The following MAPT variants were observed in gnomAD, a reference collection of about 807,000 sequenced individuals.
MAPT encodes microtubule associated protein tau, also known as microtubule-associated protein tau.
Under a neutral mutation model 67.9 loss-of-function variants are expected in MAPT, and 34 were observed. The observed-to-expected ratio is 0.50, with a 90% CI of 0.38 to 0.67. MAPT has a LOEUF of 0.67. Ranked by LOEUF, MAPT falls within the 30% of genes least tolerant of loss-of-function variation. MAPT has a pLI of 0.00. For missense variants in MAPT, 881 were observed against 1,115.2 expected (o/e 0.79, Z 2.99); for synonymous variants, 456 against 464.5 (o/e 0.98, Z 0.23).
chr17:46,023,811 A>G, intron 12 of MAPT, 145 bp from the exon 13 acceptor site: 1 of 727,586 alleles, frequency 1.4e-6, no homozygotes. Flanking sequence ...ACCGCACTCT[A>G]GCCTGGGCGA....
chr17:45,925,702 C>T (rs570087424), intron 1 of MAPT, among the ~76,000 whole-genome samples: 1 of 152,108 alleles, frequency 6.6e-6, no homozygotes, highest in South Asian at 2.1e-4. Context: ...ACACTTCTGA[C>T]ATAAAAGAGC....
chr17:46,025,024 G>A lies in MAPT; in HGVS notation c.*853G>A, dbSNP rs1254644213. ...AGACTGACCTTGATGTCTTGAGAGC[G>A]CTGGCCTCTTCCTCCCTCCCTGCAG... On this transcript the variant is annotated 3_prime_UTR_variant, in exon 13 of 13. Transcript: ENST00000262410. 4 of 152,416 alleles carry A rather than the reference G, an allele frequency of 2.6e-5. No homozygotes were observed. The highest frequency in any genetic ancestry group is 4.4e-5 in the Non-Finnish European group (3 of 68,220). 9.4% of individuals were successfully genotyped at this position (152,416 alleles called of 1,614,324 possible). A position where few individuals can be genotyped will look rare whatever the true frequency, so the allele number is the denominator to read the frequency against.
intron 4 of MAPT, among the ~76,000 whole-genome samples, chr17:45,982,477 C>T (rs1458973490): frequency 2.0e-5 from 3 of 152,080 alleles, no homozygotes; most frequent in Non-Finnish European, 4.4e-5. Flanking sequence ...CTTCTGTAGC[C>T]CTCCCGCTTT....
rs546215985 is a variant in MAPT, at chr17:46,010,131, C to G, written c.1999-179C>G. ...TCCCTTCAGCTCCCCTGGGATGTGA[C>G]TCAACCTCCCGTCACTCCCCAGACT... On this transcript the variant is annotated intron_variant, in intron 9 of 12. Transcript: ENST00000262410. The surrounding 1 kb of genome is among the most constrained non-coding windows in gnomAD (Gnocchi z 4.7). 3.3e-5 allele frequency among the ~76,000 whole-genome samples: 5 copies of G among 152,296 alleles called. No individual in the cohort carries two copies. Among genetic ancestry groups the G allele is most frequent in the African/African-American group, 1.2e-4 (5 of 41,552 alleles).
chr17:45,909,869 C>CAA (rs59131080), intron 1 of MAPT, among the ~76,000 whole-genome samples: 111 of 59,766 alleles, frequency 1.9e-3, no homozygotes, highest in East Asian at 5.6e-3. Flanking sequence ...GACTCTGTCT[C>CAA]AAAAAAAAAA....
In MAPT at chr17:46,018,606, G is replaced by A; in HGVS notation, c.2174-12G>A. ...ATGATGGCAAGATGCTCTTGTGTGT[G>A]TTGTGTTCTAGGAGGTGGCCAGGTG... On this transcript the variant is annotated splice_polypyrimidine_tract_variant and intron_variant, in intron 11 of 12. Transcript: ENST00000262410. 2 of 1,567,996 alleles carry A rather than the reference G, an allele frequency of 1.3e-6. No individual in the cohort carries two copies. Among genetic ancestry groups the A allele is most frequent in the South Asian group, 1.1e-5 (1 of 90,124 alleles).
rs115142761 is a variant in MAPT at position 45,996,547 on chromosome 17, G to A, written c.1881G>A (p.Ser627=). The change falls in exon 9 of 13, where the codon TCG becomes TCA. Residue 627 remains serine, a synonymous_variant. Coordinates refer to ENST00000262410, the MANE Select transcript of MAPT (RefSeq NM_001377265.1). The surrounding 1 kb of genome is among the most constrained non-coding windows in gnomAD (Gnocchi z 4.5). ...CAGTGGTCCGTACTCCACCCAAGTCGCCGTCTTCCGCCAAGAGCCGCCTGC... is the reference window on the plus strand; with the variant it reads ...CAGTGGTCCGTACTCCACCCAAGTCACCGTCTTCCGCCAAGAGCCGCCTGC... The part of the protein sequence containing the change: ...KVAVVRTPPK[S]PSSAKSRLQT... The A allele has an allele frequency of 7.5e-5, 121 of 1,613,352 alleles. No individual in the cohort carries two copies. The highest frequency in any genetic ancestry group is 5.0e-4 in the Middle Eastern group (3 of 6,060).
intron 1 of MAPT, among the ~76,000 whole-genome samples, chr17:45,934,720 C>G (rs916097058): frequency 1.2e-4 from 18 of 152,236 alleles, no homozygotes; most frequent in African/African-American, 4.3e-4. Flanking sequence ...GCGGATAGAA[C>G]TCTGCTCTAA....
At chr17:45,932,513 C>G (rs1009586779) in intron 1 of MAPT, among the ~76,000 whole-genome samples, 1 of 146,916 alleles carries the variant, frequency 6.8e-6, no homozygotes, top group Non-Finnish European at 1.5e-5. Context: ...TCGCTTGCAC[C>G]TGAGAGGTGG....
At position 45,993,723 on chromosome 17, in the gene MAPT, C is replaced by G. The variant is rs17573175; in HGVS notation, c.1732+2137C>G. Among the ~76,000 whole-genome samples, 22,060 of 152,206 alleles carry G rather than the reference C, an allele frequency of 0.14. 2,144 individuals are homozygous for G. The highest frequency in any genetic ancestry group is 0.22 in the Non-Finnish European group (14,737 of 67,968). Reference sequence around the variant, plus strand: ...CACACTTTGTAACAACCTGAAACAACGTGATGCATTTCCCTTTGGGTCTTA... The same window carrying G: ...CACACTTTGTAACAACCTGAAACAAGGTGATGCATTTCCCTTTGGGTCTTA... On this transcript the variant is annotated intron_variant, in intron 8 of 12. Coordinates refer to ENST00000262410, the MANE Select transcript of MAPT (RefSeq NM_001377265.1).
intron 1 of MAPT, among the ~76,000 whole-genome samples, chr17:45,902,368 C>T (rs2063677390): frequency 6.6e-6 from 1 of 151,870 alleles, no homozygotes; most frequent in Non-Finnish European, 1.5e-5. Context: ...CCGCGCCCGG[C>T]CAGCTTGCAC....
intron 6 of MAPT, among the ~76,000 whole-genome samples, chr17:45,989,268 C>G (rs17651700): frequency 0.14 from 22,056 of 152,164 alleles, 2,147 homozygotes; most frequent in Non-Finnish European, 0.22. Context: ...TTAAACCAGT[C>G]GTCTCCAAAT....
chr17:45,904,197 A>C (rs1357707560), intron 1 of MAPT, among the ~76,000 whole-genome samples: 1 of 41,528 alleles, frequency 2.4e-5, no homozygotes, highest in African/African-American at 8.6e-5. Flanking sequence ...TGTATATATT[A>C]TATATCTAAT....
chr17:46,014,665 G>C (rs762841761), intron 11 of MAPT, among the ~76,000 whole-genome samples: 23 of 152,180 alleles, frequency 1.5e-4, no homozygotes, highest in Non-Finnish European at 2.6e-4. Context: ...ATGAGGTCAG[G>C]AGATTGAGAC....
chr17:45,979,812 A>G (rs1353352133), intron 4 of MAPT: 1 of 152,206 alleles, frequency 6.6e-6, no homozygotes, highest in African/African-American at 2.4e-5. Flanking sequence ...GGTGATGTCT[A>G]CATGCCCCCA....
At chr17:45,900,497 T>G (rs1373836986) in intron 1 of MAPT, among the ~76,000 whole-genome samples, 1 of 152,200 alleles carries the variant, frequency 6.6e-6, no homozygotes, top group Non-Finnish European at 1.5e-5. Flanking sequence ...TCCCTTAATT[T>G]TCTTTGCTTT....
Position 45,966,646 on chromosome 17 carries a change from C to G in MAPT, c.133+4176C>G, listed in dbSNP as rs558810128. 1.1e-3 allele frequency among the ~76,000 whole-genome samples: 162 copies of G among 152,226 alleles called. 1 individual carries two copies. The highest frequency in any genetic ancestry group is 1.6e-3 in the Non-Finnish European group (112 of 68,024). ...AAGTAGGTTTTACCACTCTTATTTTCTGAAGAGAAAACTAAATTTAATGTG... is the reference window on the plus strand; with the variant it reads ...AAGTAGGTTTTACCACTCTTATTTTGTGAAGAGAAAACTAAATTTAATGTG... On this transcript the variant is annotated intron_variant, in intron 2 of 12. Transcript: ENST00000262410.
At chr17:45,941,733 T>TCCCCCCTTCCAC (rs2068004061) in intron 1 of MAPT, among the ~76,000 whole-genome samples, 1 of 59,856 alleles carries the variant, frequency 1.7e-5, no homozygotes, top group African/African-American at 3.8e-5. Flanking sequence ...CTTCCTTCCT[T>TCCCCCCTTCCAC]CCTTCCTTCC....
At chr17:45,934,194 G>T (rs1237220496) in intron 1 of MAPT, among the ~76,000 whole-genome samples, 1 of 152,036 alleles carries the variant, frequency 6.6e-6, no homozygotes, top group African/African-American at 2.4e-5. Context: ...TTAAAAATTA[G>T]CCAGGCATGG....
Sources: gnomAD v4.1 joint callset for allele counts (sites outside exome capture counted in the v4.1 genomes callset) on GRCh38, gnomAD v4.1.1 for gene constraint, Gnocchi (gnomAD v3.1) non-coding constraint, MANE v1.5 for transcripts, NCBI Gene and HGNC (gene_info 2026-07-23, HGNC 2026-07-21) for gene names.